ANO10: variants seen among roughly 807,000 people sequenced by gnomAD.
ANO10 encodes anoctamin-10.
A neutral mutation model predicts 74.7 loss-of-function variants in ANO10; 77 were observed. The observed-to-expected ratio is 1.03, with a 90% CI of 0.86 to 1.25. The LOEUF (loss-of-function observed/expected upper bound fraction) is 1.25. Ranked by LOEUF, ANO10 falls within the 50% of genes most tolerant of loss-of-function variation. The pLI is 0.00. For synonymous variants in ANO10, 279 were observed against 284.9 expected, an observed-to-expected ratio of 0.98 and a Z score of 0.21; for missense variants, 721 against 778.1, an observed-to-expected ratio of 0.93 and a Z score of 0.87.
At chr3:43,536,069 T>C (rs2078696935) in intron 11 of ANO10, among the ~76,000 whole-genome samples, 1 of 152,232 alleles carries the variant, frequency 6.6e-6, no homozygotes, top group Non-Finnish European at 1.5e-5. Context: ...AAACGCTTCT[T>C]CAGCTTAAAC....
At chr3:43,631,743 A>G (rs2083549471) in intron 1 of ANO10, among the ~76,000 whole-genome samples, 1 of 151,494 alleles carries the variant, frequency 6.6e-6, no homozygotes. Context: ...CTATGGCAAA[A>G]GAAAGTGCTT....
upstream of ANO10, among the ~76,000 whole-genome samples, chr3:43,623,869 A>G (rs1234539483): frequency 6.6e-6 from 1 of 152,216 alleles, no homozygotes; most frequent in Non-Finnish European, 1.5e-5. Flanking sequence ...GAAAATCAGG[A>G]CAAATTATTT....
intron 11 of ANO10, among the ~76,000 whole-genome samples, chr3:43,468,835 C>T (rs1012903757): frequency 2.7e-5 from 4 of 150,282 alleles, no homozygotes; most frequent in South Asian, 2.1e-4. Context: ...CTCAGCCTCC[C>T]GAGTAGCTGG....
At chr3:43,428,116 C>G (rs1174312401) in intron 12 of ANO10, among the ~76,000 whole-genome samples, 1 of 151,796 alleles carries the variant, frequency 6.6e-6, no homozygotes, top group Non-Finnish European at 1.5e-5. Context: ...GAGGCGTGAT[C>G]TTGGCTCACT....
intron 11 of ANO10, among the ~76,000 whole-genome samples, chr3:43,513,828 A>C (rs2077605008): frequency 6.6e-6 from 1 of 152,104 alleles, no homozygotes; most frequent in Non-Finnish European, 1.5e-5. Context: ...TCTATGATTT[A>C]AAAGAAGGAA....
chr3:43,372,742 C>T (rs2091659808), intron 12 of ANO10: 1 of 1,082,720 alleles, frequency 9.2e-7, no homozygotes. Context: ...TATGTGGTCT[C>T]CAGAGAGCAG....
intron 1 of ANO10, among the ~76,000 whole-genome samples, chr3:43,651,680 GA>G (rs1274021953): frequency 1.3e-5 from 2 of 152,138 alleles, no homozygotes; most frequent in African/African-American, 4.8e-5. Context: ...TTTTAAATGT[GA>G]AAAACATTTA....
intron 12 of ANO10, among the ~76,000 whole-genome samples, chr3:43,393,365 C>T (rs2092315070): frequency 6.6e-6 from 1 of 152,218 alleles, no homozygotes; most frequent in East Asian, 1.9e-4. Flanking sequence ...AATTTGTCTA[C>T]TTCTCTACAT....
rs551280471 is a variant in ANO10, at chr3:43,644,084, T to G, written c.-11-38221A>C. Among the ~76,000 whole-genome samples the G allele has an allele frequency of 8.6e-4, 131 of 152,178 alleles. 1 individual carries two copies. In the Middle Eastern group the frequency reaches 0.02, roughly 24 times the overall value. ...AAGTTCACCAATCTTTCCCTGATTT[T>G]TTTGTTTGTTTGTTTGTTTGTTTGT... On this transcript the variant is annotated intron_variant, in intron 1 of 3. Transcript: ENST00000413397.
At chr3:43,662,512 G>A (rs1057068820) in intron 1 of ANO10, among the ~76,000 whole-genome samples, 2 of 151,960 alleles carry the variant, frequency 1.3e-5, no homozygotes, top group Non-Finnish European at 2.9e-5. Flanking sequence ...AGAGAAGAAA[G>A]AGCAAACAAA....
In ANO10 at chr3:43,516,240, G is replaced by A. The variant is rs748177541; in HGVS notation, c.1797+33480C>T. Among the ~76,000 whole-genome samples the A allele has an allele frequency of 3.9e-5, 6 of 152,244 alleles. No homozygotes were observed. The South Asian group carries it at 1.0e-3, about 26-fold the overall frequency. On this transcript the variant is annotated intron_variant, in intron 11 of 12. Transcript: ENST00000292246. ...GGGAGCATATTAATTAATCATTAAC[G>A]CTAAACAGAGAGACCAGGGAAAACT...
chr3:43,623,267 CT>C (rs745570436), upstream of ANO10, among the ~76,000 whole-genome samples: 9 of 152,116 alleles, frequency 5.9e-5, no homozygotes, highest in Non-Finnish European at 8.8e-5. Context: ...CCATATTCAC[CT>C]TTTATTACAG....
At chr3:43,656,178 C>T (rs1391215499) in intron 1 of ANO10, among the ~76,000 whole-genome samples, 2 of 150,894 alleles carry the variant, frequency 1.3e-5, no homozygotes, top group Non-Finnish European at 1.5e-5. Flanking sequence ...ACCTCCCCAC[C>T]AGAGCAGCTA....
At chr3:43,554,469 A>C (rs879655433) in intron 10 of ANO10, among the ~76,000 whole-genome samples, 3 of 152,208 alleles carry the variant, frequency 2.0e-5, no homozygotes, top group Non-Finnish European at 4.4e-5. Context: ...CTGGGATTAC[A>C]GGTGTGAGCC....
At chr3:43,480,359 C>T (rs1385520537) in intron 11 of ANO10, among the ~76,000 whole-genome samples, 1 of 152,160 alleles carries the variant, frequency 6.6e-6, no homozygotes, top group Non-Finnish European at 1.5e-5. Context: ...TGTTAAGTCC[C>T]TCTGATCGAG....
intron 11 of ANO10, among the ~76,000 whole-genome samples, chr3:43,470,239 T>C (rs2075796241): frequency 6.6e-6 from 1 of 152,246 alleles, no homozygotes; most frequent in Admixed American, 6.5e-5. Context: ...CTGAAAAGGC[T>C]ACCTACTGAA....
chr3:43,497,392 C>A (rs1053644858), intron 11 of ANO10, among the ~76,000 whole-genome samples: 1 of 152,216 alleles, frequency 6.6e-6, no homozygotes, highest in Admixed American at 6.5e-5. Flanking sequence ...TGTCTCCTTA[C>A]ATGTTTCTTT....
intron 11 of ANO10, among the ~76,000 whole-genome samples, chr3:43,456,457 T>G (rs2149011509): frequency 6.6e-6 from 1 of 152,282 alleles, no homozygotes; most frequent in Non-Finnish European, 1.5e-5. Context: ...AGCTCTGGCT[T>G]TAGAAGCAAA....
chr3:43,410,343 C>T (rs754385962), intron 12 of ANO10, among the ~76,000 whole-genome samples: 5 of 152,064 alleles, frequency 3.3e-5, no homozygotes, highest in Admixed American at 1.3e-4. Context: ...CTTGAATTCC[C>T]GGGCTTAAGA....
Sources: gnomAD v4.1 joint callset for allele counts (sites outside exome capture counted in the v4.1 genomes callset) on GRCh38, gnomAD v4.1.1 for gene constraint, MANE v1.5 for transcripts, NCBI Gene and HGNC (gene_info 2026-07-23, HGNC 2026-07-21) for gene names.